LBP: variants seen among roughly 807,000 people sequenced by gnomAD.
LBP encodes lipopolysaccharide binding protein, also known as lipopolysaccharide-binding protein.
Under a neutral mutation model 56.6 loss-of-function variants are expected in LBP, and 53 were observed. The observed-to-expected ratio is 0.94, with a 90% confidence interval of 0.75 to 1.18. The LOEUF (loss-of-function observed/expected upper bound fraction) is 1.18, where lower values mean the gene tolerates loss of function less well. Among genes scored for constraint, LBP ranks in the 50% most tolerant of loss-of-function variants. The probability of loss-of-function intolerance (pLI) is 0.00; values close to 1 mark genes in which losing one functional copy is unlikely to be tolerated. For missense variants in LBP, 601 were observed against 598.3 expected (o/e 1.00, Z -0.05); for synonymous variants, 227 against 247.5 (o/e 0.92, Z 0.78).
chr20:38,356,086 ACC>A (rs2076837838), intron 5 of LBP, among the ~76,000 whole-genome samples: 1 of 125,516 alleles, frequency 8.0e-6, no homozygotes, highest in Admixed American at 8.0e-5. Flanking sequence ...CACACACCAC[ACC>A]CCACACACAC....
At chr20:38,364,773 G>C in intron 8 of LBP, 21 bp downstream of exon 8, 1 of 1,589,850 alleles carries the variant, frequency 6.3e-7, no homozygotes, top group South Asian at 1.2e-5. Context: ...TGGCAAACAG[G>C]TCTCTCAAAT....
chr20:38,371,072 T>C (rs1257456914), intron 11 of LBP, among the ~76,000 whole-genome samples: 1 of 152,224 alleles, frequency 6.6e-6, no homozygotes, highest in African/African-American at 2.4e-5. Context: ...AGTGAGCTTT[T>C]TGACACTATC....
intron 3 of LBP, 39 bp from the exon 4 acceptor site, chr20:38,354,245 G>C (rs2122599667): frequency 1.3e-6 from 2 of 1,580,122 alleles, no homozygotes; most frequent in Middle Eastern, 3.4e-4. Flanking sequence ...GCAGACCCCT[G>C]GTCTAGGAAC....
chr20:38,362,108 G>C (rs1361057252), intron 6 of LBP, among the ~76,000 whole-genome samples: 4 of 147,848 alleles, frequency 2.7e-5, no homozygotes, highest in Non-Finnish European at 4.5e-5. Context: ...GCCCAGGCTG[G>C]AGTGCAGTGG....
chr20:38,368,261 C>A (rs1477923570), intron 9 of LBP, among the ~76,000 whole-genome samples: 2 of 151,918 alleles, frequency 1.3e-5, no homozygotes, highest in Non-Finnish European at 2.9e-5. Context: ...AAAAATGGGC[C>A]CAACTTTTCT....
intron 6 of LBP, among the ~76,000 whole-genome samples, chr20:38,361,429 G>A (rs1017647441): frequency 2.0e-5 from 3 of 151,656 alleles, no homozygotes; most frequent in Non-Finnish European, 4.4e-5. Flanking sequence ...TTTTGAGATG[G>A]GGTCTCACTC....
rs192975738 is a variant in LBP, at chr20:38,355,606, C to T, written c.588+197C>T. Among the ~76,000 whole-genome samples, 6 of 152,256 alleles carry T rather than the reference C, an allele frequency of 3.9e-5. No homozygotes were observed. In the East Asian group the frequency reaches 5.8e-4, roughly 15 times the overall value. On this transcript the variant is annotated intron_variant, in intron 5 of 14. Transcript: ENST00000217407. ...CTGGGGACAAAGCTCCAAGTCCGTT[C>T]GGTTGGGCAGAAAATGGTCAACTGC...
intron 6 of LBP, among the ~76,000 whole-genome samples, chr20:38,362,444 C>G (rs2076864400): frequency 6.7e-6 from 1 of 150,310 alleles, no homozygotes; most frequent in South Asian, 2.1e-4. Flanking sequence ...GAAACCCCGT[C>G]TCTACTAAAA....
rs1289322656 is a variant in LBP, at chr20:38,369,496, A to ATTTGCTCTGTTC, written c.1149+338_1149+339insCTCTGTTCTTTG. Among the ~76,000 whole-genome samples, 48 of 144,946 alleles carry ATTTGCTCTGTTC rather than the reference A, an allele frequency of 3.3e-4. 3 individuals carry two copies. The highest frequency in any genetic ancestry group is 1.3e-3 in the African/African-American group (46 of 35,892). On this transcript the variant is annotated intron_variant, in intron 10 of 14. Coordinates refer to ENST00000217407, the MANE Select transcript of LBP (RefSeq NM_004139.5). ...GAGAAAGGTATACTGGTGTTTGTCT[A>ATTTGCTCTGTTC]TTTGTCTATTTTGACCTTGGAAGAC... is the stretch of plus-strand genomic sequence containing the variant.
At chr20:38,367,453 C>CA (rs910755876) in intron 9 of LBP, among the ~76,000 whole-genome samples, 11 of 151,656 alleles carry the variant, frequency 7.3e-5, no homozygotes, top group South Asian at 2.1e-4. Context: ...GACCCTGTCT[C>CA]AAAAAAAATT....
chr20:38,364,894 AC>A, intron 8 of LBP, 142 bp downstream of exon 8: 5 of 804,886 alleles, frequency 6.2e-6, no homozygotes, highest in Non-Finnish European at 7.8e-6. Context: ...ATATGTTAGC[AC>A]AATCTCCCTT....
chr20:38,368,966 T>A, intron 9 of LBP, 29 bp from the exon 10 acceptor site: 1 of 1,610,676 alleles, frequency 6.2e-7, no homozygotes, highest in South Asian at 1.1e-5. Flanking sequence ...TTTTCTTCTC[T>A]TGATGTAATC....
Position 38,350,927 on chromosome 20 carries a change from G to T in LBP, c.356G>T (p.Arg119Leu), listed in dbSNP as rs372496254. ...SIRVQGRWKV[R>L]KSFFKLQGSF... ...CGGGTCCAGGGCAGGTGGAAGGTGC[G>T]CAAGTCATTCTTGTAAGTTGGCTCT... Residue 119 changes from arginine to leucine, a missense_variant, in exon 3 of 15, where the codon CGC (arginine) becomes CTC (leucine). Arg to Leu is a moderately radical substitution (Grantham distance 102). Transcript: ENST00000217407. 3 of 1,613,696 alleles carry T rather than the reference G, an allele frequency of 1.9e-6. No homozygotes were observed. Among genetic ancestry groups the T allele is most frequent in the African/African-American group, 1.3e-5 (1 of 75,068 alleles).
At chr20:38,357,814 T>G (rs2076846549) in intron 5 of LBP, among the ~76,000 whole-genome samples, 1 of 152,212 alleles carries the variant, frequency 6.6e-6, no homozygotes, top group Non-Finnish European at 1.5e-5. Flanking sequence ...AACTGAGGGT[T>G]CCTTCCCCTT....
intron 5 of LBP, 133 bp from the exon 6 acceptor site, chr20:38,360,571 A>T: frequency 1.5e-6 from 1 of 649,406 alleles, no homozygotes; most frequent in Non-Finnish European, 2.8e-6. Flanking sequence ...CTGGCTCATG[A>T]CAAGCACTTA....
chr20:38,365,688 C>G (rs2076877989), intron 8 of LBP, among the ~76,000 whole-genome samples: 1 of 106,178 alleles, frequency 9.4e-6, no homozygotes, highest in Non-Finnish European at 1.8e-5. Flanking sequence ...CAGAGTGAGA[C>G]TGCATCTCAA....
chr20:38,362,766 A>G (rs11536967), intron 6 of LBP, among the ~76,000 whole-genome samples: 10,048 of 151,712 alleles, frequency 0.066, 400 homozygotes, highest in South Asian at 0.13. Context: ...CGGGCAACAT[A>G]GCGAAACCCC....
At chr20:38,352,817 T>A (rs1203419597) in intron 3 of LBP, among the ~76,000 whole-genome samples, 1 of 149,980 alleles carries the variant, frequency 6.7e-6, no homozygotes, top group Admixed American at 6.6e-5. Flanking sequence ...GGCTAATTTT[T>A]AAAATTATTT....
intron 14 of LBP, among the ~76,000 whole-genome samples, chr20:38,376,024 G>C (rs961323376): frequency 6.6e-6 from 1 of 152,154 alleles, no homozygotes; most frequent in South Asian, 2.1e-4. Flanking sequence ...TCATACCATC[G>C]GCCTCAGTTT....
Sources: allele counts gnomAD v4.1 joint callset (sites outside exome capture counted in the v4.1 genomes callset), GRCh38; gene constraint gnomAD v4.1.1; transcripts MANE v1.5; gene names NCBI Gene and HGNC (gene_info 2026-07-23, HGNC 2026-07-21).